Variants in ESRRG observed in about 807,000 individuals in gnomAD.
ESRRG encodes estrogen related receptor gamma, also known as estrogen-related receptor gamma.
Under a neutral mutation model 44.0 loss-of-function variants are expected in ESRRG, and 13 were observed. The ratio of observed to expected loss-of-function variants is 0.30; its 90% CI spans 0.19 to 0.47. The LOEUF (loss-of-function observed/expected upper bound fraction) is 0.47. Ranked by LOEUF, ESRRG falls within the 20% of genes least tolerant of loss-of-function variation. ESRRG has a pLI of 1.00. For missense variants in ESRRG, 395 were observed against 580.6 expected (o/e 0.68, Z 3.29); for synonymous variants, 215 against 214.6 (o/e 1.00, Z -0.02).
rs148789160 is a variant in ESRRG, at chr1:216,777,099, T to C, written c.-13-99608A>G. ...GGCATGATCCATGGGAAGGGCATAA[T>C]TCACAGATGGGGCTTGCCTACCCAG... On this transcript the variant is annotated intron_variant, in intron 2 of 7. Transcript: ENST00000359162. 1.7e-3 allele frequency among the ~76,000 whole-genome samples: 257 copies of C among 152,282 alleles called. 1 individual carries two copies. The highest frequency in any genetic ancestry group is 5.8e-3 in the African/African-American group (243 of 41,572).
intron 3 of ESRRG, among the ~76,000 whole-genome samples, chr1:216,629,107 C>T (rs902617513): frequency 6.6e-6 from 1 of 152,170 alleles, no homozygotes; most frequent in African/African-American, 2.4e-5. Flanking sequence ...TTGTCCTATA[C>T]CCCACAGCCA....
At chr1:216,890,181 C>G (rs2057581834) in intron 2 of ESRRG, among the ~76,000 whole-genome samples, 1 of 152,124 alleles carries the variant, frequency 6.6e-6, no homozygotes, top group African/African-American at 2.4e-5. Flanking sequence ...GGGAGGATCA[C>G]TTGTGCCCAG....
chr1:216,672,197 T>TGTAA (rs2075327441), intron 2 of ESRRG, among the ~76,000 whole-genome samples: 1 of 152,200 alleles, frequency 6.6e-6, no homozygotes, highest in Admixed American at 6.5e-5. Flanking sequence ...CTGCTGCCAC[T>TGTAA]GTAACCCTAT....
At chr1:217,121,003 T>C (rs1463497618) in intron 1 of ESRRG, among the ~76,000 whole-genome samples, 1 of 152,126 alleles carries the variant, frequency 6.6e-6, no homozygotes, top group East Asian at 1.9e-4. Context: ...ACACAAACAA[T>C]CCATTACATT....
At chr1:216,535,018 A>G (rs1054927598) in intron 5 of ESRRG, among the ~76,000 whole-genome samples, 3 of 152,158 alleles carry the variant, frequency 2.0e-5, no homozygotes, top group Admixed American at 6.6e-5. Flanking sequence ...GGATGCATGG[A>G]GGCTGAGTGT....
chr1:216,670,301 T>C (rs2074912458), intron 2 of ESRRG, among the ~76,000 whole-genome samples: 1 of 152,204 alleles, frequency 6.6e-6, no homozygotes, highest in South Asian at 2.1e-4. Context: ...AGTCATACAA[T>C]TCAGTGTAGT....
chr1:217,079,022 T>C (rs1318967060), intron 1 of ESRRG, among the ~76,000 whole-genome samples: 1 of 152,206 alleles, frequency 6.6e-6, no homozygotes, highest in Non-Finnish European at 1.5e-5. Context: ...CATGAAATAT[T>C]CCACTGTTTA....
At position 217,061,423 on chromosome 1, in the gene ESRRG, C is replaced by T. The variant is rs186557638; in HGVS notation, c.-106+28084G>A. Among the ~76,000 whole-genome samples the T allele has an allele frequency of 8.1e-4, 123 of 152,170 alleles. 1 individual carries two copies. The East Asian group carries it at 0.015, about 19-fold the overall frequency. ...ATGAGTAATGCAAACCTCACAGGAGCCATCTTGCCTAGGACTGCTTTCACG... is the reference window on the plus strand; with the variant it reads ...ATGAGTAATGCAAACCTCACAGGAGTCATCTTGCCTAGGACTGCTTTCACG... On this transcript the variant is annotated intron_variant, in intron 1 of 7. Coordinates refer to the ESRRG transcript ENST00000359162.
Position 216,683,098 on chromosome 1 carries a change from C to T in ESRRG, c.57-5607G>A, listed in dbSNP as rs150586047. Among the ~76,000 whole-genome samples the T allele has an allele frequency of 9.2e-5, 14 of 152,250 alleles. No homozygotes were observed. In the East Asian group the frequency reaches 1.5e-3, roughly 17 times the overall value. On this transcript the variant is annotated intron_variant, in intron 1 of 6. Coordinates refer to ENST00000408911, the MANE Select transcript of ESRRG (RefSeq NM_001438.4). ...GTGTCATTATGGCATCACAGTAATA[C>T]GATGCTTTGACAACTGCTGGGTCTA...
rs566369245 is a variant in ESRRG, at chr1:217,021,535, G to T, written c.-106+67972C>A. ...GGGATTGGAGCAAAAACCTTGAAGG[G>T]CTTCAGGTCTAGGGTAGCTGTTAGG... On this transcript the variant is annotated intron_variant, in intron 1 of 7. Transcript: ENST00000359162. 2.6e-5 allele frequency among the ~76,000 whole-genome samples: 4 copies of T among 152,272 alleles called. No homozygotes were observed. In the South Asian group the frequency reaches 8.3e-4, roughly 32 times the overall value.
At chr1:216,794,363 C>G (rs911249539) in intron 2 of ESRRG, among the ~76,000 whole-genome samples, 2 of 152,118 alleles carry the variant, frequency 1.3e-5, no homozygotes, top group Non-Finnish European at 2.9e-5. Context: ...GAGTAAATAC[C>G]TTCTCAGTTT....
chr1:217,026,082 A>G (rs2081135391), intron 1 of ESRRG, among the ~76,000 whole-genome samples: 1 of 152,176 alleles, frequency 6.6e-6, no homozygotes, highest in Non-Finnish European at 1.5e-5. Context: ...ATGGTGACTT[A>G]ACACCTTGCC....
chr1:216,755,085 C>A (rs141409853), intron 2 of ESRRG, among the ~76,000 whole-genome samples: 1 of 151,938 alleles, frequency 6.6e-6, no homozygotes, highest in African/African-American at 2.4e-5. Flanking sequence ...AAAGGGGCTG[C>A]ATAGCGGATA....
chr1:216,835,716 T>C (rs1379805322), intron 2 of ESRRG, among the ~76,000 whole-genome samples: 1 of 152,122 alleles, frequency 6.6e-6, no homozygotes, highest in Non-Finnish European at 1.5e-5. Context: ...GAACTGCCAA[T>C]GAAGTGGGTG....
intron 1 of ESRRG, among the ~76,000 whole-genome samples, chr1:216,982,462 C>G (rs1364818757): frequency 5.9e-5 from 9 of 152,018 alleles, no homozygotes; most frequent in Admixed American, 5.9e-4. Context: ...GAGTATATCC[C>G]TCACCATTCC....
intron 3 of ESRRG, among the ~76,000 whole-genome samples, chr1:216,580,168 T>A (rs2062475826): frequency 6.6e-6 from 1 of 152,214 alleles, no homozygotes; most frequent in Admixed American, 6.5e-5. Context: ...TCAAAAATAC[T>A]GAGTAAGTGA....
chr1:216,835,256 C>T (rs1006456733), intron 2 of ESRRG, among the ~76,000 whole-genome samples: 1 of 152,080 alleles, frequency 6.6e-6, no homozygotes. Flanking sequence ...AATCGGGCAG[C>T]CCCCAGAATC....
chr1:217,051,214 G>GGGGGC (rs1553259362), intron 1 of ESRRG, among the ~76,000 whole-genome samples: 2 of 115,968 alleles, frequency 1.7e-5, no homozygotes, highest in Non-Finnish European at 3.6e-5. Context: ...CGGGGGGGGG[G>GGGGGC]GGTGCCAGGG....
chr1:216,636,799 C>G (rs998264167), intron 3 of ESRRG, among the ~76,000 whole-genome samples: 1 of 152,168 alleles, frequency 6.6e-6, no homozygotes, highest in Non-Finnish European at 1.5e-5. Flanking sequence ...TTTGTTCTTT[C>G]CTACCTTAAC....
Sources: gnomAD v4.1 joint callset for allele counts (sites outside exome capture counted in the v4.1 genomes callset) on GRCh38, gnomAD v4.1.1 for gene constraint, MANE v1.5 for transcripts, NCBI Gene and HGNC (gene_info 2026-07-23, HGNC 2026-07-21) for gene names.